The following REST variants were observed in gnomAD, a reference collection of about 807,000 sequenced individuals.
REST encodes RE1-silencing transcription factor.
In REST, 1 loss-of-function variant was observed where a neutral mutation model predicts 30.4. The ratio of observed to expected loss-of-function variants is 0.03; its 90% CI spans 0.01 to 0.16. The LOEUF is 0.16. Ranked by LOEUF, REST falls within the 10% of genes least tolerant of loss-of-function variation. The probability of loss-of-function intolerance (pLI) is 1.00; values close to 1 mark genes in which losing one functional copy is unlikely to be tolerated. For synonymous variants in REST, 504 were observed against 451.1 expected (o/e 1.12, Z -1.49); for missense variants, 1,259 against 1,329.5 (o/e 0.95, Z 0.82).
Position 56,907,987 on chromosome 4 carries a change from C to T in REST, c.-236C>T. On this transcript the variant is annotated 5_prime_UTR_variant, in exon 1 of 4. Coordinates refer to ENST00000309042, the MANE Select transcript of REST (RefSeq NM_005612.5). ...GAGCGAGCGCCGCCGAGGCCCGGGGCCCCAGACCCTGGCGGCGGCTGCCGC... is the reference window on the plus strand; with the variant it reads ...GAGCGAGCGCCGCCGAGGCCCGGGGTCCCAGACCCTGGCGGCGGCTGCCGC... The T allele has an allele frequency of 2.7e-6, 1 of 365,406 alleles. No individual in the cohort carries two copies. The highest frequency in any genetic ancestry group is 4.6e-5 in the Admixed American group (1 of 21,518). The allele number at this position is 365,406 out of a possible 1,614,324, so 22.6% of individuals were successfully genotyped here.
At chr4:56,914,744 TG>T (rs1229241567) in intron 2 of REST, among the ~76,000 whole-genome samples, 4 of 151,864 alleles carry the variant, frequency 2.6e-5, no homozygotes, top group Middle Eastern at 3.2e-3. Flanking sequence ...AGTAGAGATG[TG>T]GTTTCACCGT....
intron 2 of REST, among the ~76,000 whole-genome samples, chr4:56,916,953 A>G (rs1337781609): frequency 1.3e-5 from 2 of 152,228 alleles, no homozygotes; most frequent in African/African-American, 2.4e-5. Flanking sequence ...CAAATTAGCC[A>G]TGCCATTTTA....
chr4:56,910,413 A>G (rs1719839780), intron 1 of REST, among the ~76,000 whole-genome samples: 1 of 152,266 alleles, frequency 6.6e-6, no homozygotes, highest in Non-Finnish European at 1.5e-5. Context: ...GAATTGTTTT[A>G]TAGGGATAGT....
intron 1 of REST, among the ~76,000 whole-genome samples, chr4:56,908,591 GCCCCCGGGTCCCA>G (rs1355108381): frequency 6.6e-6 from 1 of 151,900 alleles, no homozygotes; most frequent in Non-Finnish European, 1.5e-5. Flanking sequence ...TCCTCCTCCT[GCCCCCGGGTCCCA>G]CCGCAGCCCC....
rs541663028 is a variant in REST, at chr4:56,931,960, G to C, written c.3102G>C (p.Gly1034=). ...GTAGTGATGATTCTGGATTGCATGG[G>C]GCTCGGCCAGTTCCACAAGAATCTA... The part of the protein sequence containing the change: ...SEGSDDSGLH[G]ARPVPQESSR... The change falls in exon 4 of 4, where the codon GGG becomes GGC. Residue 1034 remains glycine (G), a synonymous_variant. Coordinates refer to ENST00000309042, the MANE Select transcript of REST (RefSeq NM_005612.5). 1 of 1,614,192 alleles carries C rather than the reference G, an allele frequency of 6.2e-7. No individual in the cohort carries two copies. The highest frequency in any genetic ancestry group is 2.2e-5 in the East Asian group (1 of 44,888).
chr4:56,926,511 G>C (rs972129143), intron 3 of REST, among the ~76,000 whole-genome samples: 12 of 151,960 alleles, frequency 7.9e-5, no homozygotes, highest in Admixed American at 5.2e-4. Context: ...CAAGTAGCTG[G>C]GACTGTAGGC....
chr4:56,928,920 A>G (rs1720832205), intron 3 of REST, among the ~76,000 whole-genome samples: 1 of 151,614 alleles, frequency 6.6e-6, no homozygotes, highest in Non-Finnish European at 1.5e-5. Flanking sequence ...TATTTTTGAG[A>G]CAGGGCCTTG....
At position 56,930,441 on chromosome 4, in the gene REST, A is replaced by G. The variant is rs1247527926; in HGVS notation, c.1583A>G (p.His528Arg). 5.0e-6 allele frequency: 8 copies of G among 1,613,946 alleles called. No individual in the cohort carries two copies. Among genetic ancestry groups the G allele is most frequent in the African/African-American group, 1.3e-5 (1 of 74,944 alleles). Residue 528 changes from histidine (H) to arginine (R), a missense_variant, in exon 4 of 4, where the codon CAT (histidine) becomes CGT (arginine). Transcript: ENST00000309042. ...KSKRKLEVDS[H>R]SLHGPVNDEE... ...AAAAGGAAGCTGGAAGTTGACAGCC[A>G]TTCTTTACATGGTCCTGTGAATGAT...
intron 1 of REST, chr4:56,909,160 T>G (rs928419137): frequency 6.6e-6 from 1 of 152,268 alleles, no homozygotes; most frequent in Non-Finnish European, 1.5e-5. Context: ...CCCGTTTTAG[T>G]GTTGGAGAGC....
At chr4:56,915,124 T>C (rs551329362) in intron 2 of REST, among the ~76,000 whole-genome samples, 2 of 151,532 alleles carry the variant, frequency 1.3e-5, no homozygotes, top group South Asian at 4.2e-4. Flanking sequence ...GGTTTCTCCA[T>C]GTTGGGCAGG....
chr4:56,935,308 C>G lies in REST; in HGVS notation c.*3156C>G, dbSNP rs1400477757. 1 of 152,142 alleles carries G rather than the reference C, an allele frequency of 6.6e-6. No individual in the cohort carries two copies. The highest frequency in any genetic ancestry group is 1.5e-5 in the Non-Finnish European group (1 of 68,030). 9.4% of individuals were successfully genotyped at this position (152,142 alleles called of 1,614,324 possible). On this transcript the variant is annotated 3_prime_UTR_variant, in exon 4 of 4. Coordinates refer to ENST00000309042, the MANE Select transcript of REST (RefSeq NM_005612.5). ...TTACATAAGTCAGAAAAACTTACAG[C>G]TGGTGTTCCTAGTTTCCTGGTTGAC...
At chr4:56,909,775 A>G (rs1719810476) in intron 1 of REST, among the ~76,000 whole-genome samples, 1 of 152,186 alleles carries the variant, frequency 6.6e-6, no homozygotes, top group Non-Finnish European at 1.5e-5. Context: ...ACTTGTTTTG[A>G]AGAAGGTGAT....
chr4:56,908,313 A>T (rs1719714974), intron 1 of REST, 100 bp downstream of exon 1: 1 of 178,808 alleles, frequency 5.6e-6, no homozygotes, highest in Admixed American at 6.3e-5. Flanking sequence ...ACGCGGAGTC[A>T]GGCGCTGTCC....
chr4:56,915,964 G>C (rs189111666), intron 2 of REST, among the ~76,000 whole-genome samples: 1 of 152,184 alleles, frequency 6.6e-6, no homozygotes, highest in Admixed American at 6.5e-5. Flanking sequence ...GCCGTTCCAC[G>C]ATGGCTCACG....
chr4:56,911,579 G>T, intron 2 of REST, 43 bp downstream of exon 2: 1 of 1,511,864 alleles, frequency 6.6e-7, no homozygotes, highest in South Asian at 1.2e-5. Flanking sequence ...TCTCTTTTCT[G>T]ATTGTTACTT....
chr4:56,911,063 CT>C lies in REST; in HGVS notation c.426del (p.Glu143LysfsTer93). 2 of 1,614,092 alleles carry C rather than the reference CT, an allele frequency of 1.2e-6. No homozygotes were observed. Among genetic ancestry groups the C allele is most frequent in the Non-Finnish European group, 1.7e-6 (2 of 1,180,004 alleles). On this transcript the variant is annotated frameshift_variant, in exon 2 of 4. Coordinates refer to ENST00000309042, the MANE Select transcript of REST (RefSeq NM_005612.5). LOFTEE classifies it high-confidence loss of function. ...DIYSSNKDLP[P>X]ETPGAEDKGK... Reference sequence around the variant, plus strand: ...TACAGTTCAAATAAAGATCTTCCCCCTGAAACACCTGGAGCGGAGGACAAAG... The same window carrying C: ...TACAGTTCAAATAAAGATCTTCCCCCGAAACACCTGGAGCGGAGGACAAAG...
chr4:56,924,297 A>G lies in REST; in HGVS notation c.982+4427A>G, dbSNP rs78907799. Among the ~76,000 whole-genome samples the G allele has an allele frequency of 4.2e-4, 64 of 152,372 alleles. No individual in the cohort carries two copies. The East Asian group carries it at 0.012, about 28-fold the overall frequency. On this transcript the variant is annotated intron_variant, in intron 3 of 3. Transcript: ENST00000309042. ...AAACTATTTTATTGAGATATAATTT[A>G]TAAATTTAAAAATGCACAGGTCTTG...
At chr4:56,917,258 T>C (rs1322500942) in intron 2 of REST, among the ~76,000 whole-genome samples, 1 of 152,252 alleles carries the variant, frequency 6.6e-6, no homozygotes, top group Non-Finnish European at 1.5e-5. Context: ...AATTCGTAGC[T>C]ACCAGCGAAT....
At chr4:56,929,784 T>G in intron 3 of REST, 57 bp from the exon 4 acceptor site, 3 of 1,487,958 alleles carry the variant, frequency 2.0e-6, no homozygotes, top group Non-Finnish European at 2.7e-6. Flanking sequence ...TCTTTATATT[T>G]TAATCTTGAA....
Sources: gnomAD v4.1 joint callset for allele counts (sites outside exome capture counted in the v4.1 genomes callset) on GRCh38, gnomAD v4.1.1 for gene constraint, MANE v1.5 for transcripts, NCBI Gene and HGNC (gene_info 2026-07-23, HGNC 2026-07-21) for gene names.